The following PCDH15 variants were observed in gnomAD, a reference collection of about 807,000 sequenced individuals.
The protein encoded by PCDH15 is protocadherin-15.
Under a neutral mutation model 178.5 loss-of-function variants are expected in PCDH15, and 129 were observed. That is an observed-to-expected ratio of 0.72 (90% CI 0.63 to 0.84). PCDH15 has a LOEUF of 0.84. Ranked by LOEUF, PCDH15 falls within the 40% of genes least tolerant of loss-of-function variation. PCDH15 has a pLI of 0.00. For synonymous variants in PCDH15, 800 were observed against 732.0 expected (o/e 1.09, Z -1.50); for missense variants, 2,230 against 2,099.9 (o/e 1.06, Z -1.21).
At chr10:54,898,605 C>G (rs68127931) in intron 2 of PCDH15, among the ~76,000 whole-genome samples, 1 of 151,858 alleles carries the variant, frequency 6.6e-6, no homozygotes, top group Non-Finnish European at 1.5e-5. Context: ...TAAGTACTTA[C>G]TGGAATACTG....
At chr10:55,130,679 ACGTGTG>A (rs1404475217) in intron 2 of PCDH15, among the ~76,000 whole-genome samples, 1 of 87,338 alleles carries the variant, frequency 1.1e-5, no homozygotes, top group African/African-American at 4.5e-5. Context: ...ACACACATAC[ACGTGTG>A]TGTGTGTGTG....
chr10:54,917,508 C>T (rs938410449), intron 2 of PCDH15, among the ~76,000 whole-genome samples: 4 of 152,124 alleles, frequency 2.6e-5, no homozygotes, highest in African/African-American at 9.7e-5. Context: ...CAACATTGAA[C>T]TCATTTATTG....
intron 2 of PCDH15, among the ~76,000 whole-genome samples, chr10:55,482,272 T>C (rs1840198307): frequency 6.6e-6 from 1 of 151,894 alleles, no homozygotes; most frequent in South Asian, 2.1e-4. Flanking sequence ...GTCTTGGTTC[T>C]TTATCCAGAT....
chr10:53,859,430 T>C (rs2078962138), intron 27 of PCDH15, among the ~76,000 whole-genome samples: 1 of 152,158 alleles, frequency 6.6e-6, no homozygotes, highest in Non-Finnish European at 1.5e-5. Context: ...TGGAGAATTG[T>C]TAGGACTGTC....
chr10:55,159,369 CTATATA>C (rs1174815209), intron 2 of PCDH15, among the ~76,000 whole-genome samples: 1,818 of 20,890 alleles, frequency 0.087, 34 homozygotes, highest in African/African-American at 0.14. Flanking sequence ...ATCTATCTAT[CTATATA>C]TATATATATA....
At chr10:55,493,166 G>GA (rs751594421) in intron 2 of PCDH15, among the ~76,000 whole-genome samples, 3 of 151,102 alleles carry the variant, frequency 2.0e-5, no homozygotes, top group African/African-American at 4.9e-5. Flanking sequence ...CCAAATTTGG[G>GA]AAAAAATCTT....
chr10:54,693,240 T>C (rs989167603), intron 1 of PCDH15, among the ~76,000 whole-genome samples: 3 of 152,092 alleles, frequency 2.0e-5, no homozygotes, highest in African/African-American at 7.2e-5. Context: ...ATTATCACTT[T>C]GACAACTGAC....
At chr10:55,196,819 T>A (rs2132153369) in intron 1 of PCDH15, among the ~76,000 whole-genome samples, 1 of 152,148 alleles carries the variant, frequency 6.6e-6, no homozygotes, top group East Asian at 1.9e-4. Flanking sequence ...GATGAATTAT[T>A]TAAATTATGA....
At chr10:55,122,494 A>G (rs1396952553) in intron 2 of PCDH15, among the ~76,000 whole-genome samples, 1 of 152,066 alleles carries the variant, frequency 6.6e-6, no homozygotes, top group Non-Finnish European at 1.5e-5. Context: ...AATATATATA[A>G]AAGCATAGAA....
intron 7 of PCDH15, among the ~76,000 whole-genome samples, chr10:54,327,410 C>T (rs1938379982): frequency 6.7e-6 from 1 of 150,040 alleles, no homozygotes; most frequent in Non-Finnish European, 1.5e-5. Flanking sequence ...CACATACAGA[C>T]ACACACATAA....
intron 1 of PCDH15, among the ~76,000 whole-genome samples, chr10:55,287,854 T>C (rs1842909816): frequency 1.3e-5 from 2 of 151,924 alleles, no homozygotes; most frequent in Admixed American, 1.3e-4. Flanking sequence ...TCCATTCCAC[T>C]ATTCTCATAT....
chr10:55,370,116 G>A (rs1363153924), intron 2 of PCDH15, among the ~76,000 whole-genome samples: 2 of 152,022 alleles, frequency 1.3e-5, no homozygotes, highest in East Asian at 3.9e-4. Context: ...CAAAAATCTA[G>A]ACTATTCCTT....
intron 1 of PCDH15, among the ~76,000 whole-genome samples, chr10:54,770,829 C>G (rs534337251): frequency 2.6e-5 from 4 of 152,140 alleles, no homozygotes; most frequent in African/African-American, 9.6e-5. Flanking sequence ...ACTAGACCCC[C>G]AGAGCTGCCC....
At chr10:53,945,844 TA>T (rs1564832082) in intron 23 of PCDH15, among the ~76,000 whole-genome samples, 5 of 15,626 alleles carry the variant, frequency 3.2e-4, no homozygotes, top group African/African-American at 1.4e-3. Flanking sequence ...ATTGTATATA[TA>T]TATATATATA....
intron 1 of PCDH15, among the ~76,000 whole-genome samples, chr10:55,193,332 A>C (rs1839996036): frequency 6.6e-6 from 1 of 151,992 alleles, no homozygotes; most frequent in Non-Finnish European, 1.5e-5. Context: ...TTATATTTAG[A>C]TTTCAAGCCA....
At chr10:55,539,355 TATC>T (rs1166656095) in intron 2 of PCDH15, among the ~76,000 whole-genome samples, 4 of 152,020 alleles carry the variant, frequency 2.6e-5, no homozygotes, top group Non-Finnish European at 5.9e-5. Flanking sequence ...TCATCATCAT[TATC>T]ATTATGATCA....
At chr10:54,957,541 A>C (rs1838521071) in intron 2 of PCDH15, among the ~76,000 whole-genome samples, 2 of 151,622 alleles carry the variant, frequency 1.3e-5, no homozygotes, top group Admixed American at 1.3e-4. Flanking sequence ...AAAATCCCTG[A>C]ATGTAGCATC....
At chr10:54,587,237 GTC>G (rs1193810878) in intron 2 of PCDH15, among the ~76,000 whole-genome samples, 1 of 152,114 alleles carries the variant, frequency 6.6e-6, no homozygotes, top group Non-Finnish European at 1.5e-5. Context: ...CAGTTATGTT[GTC>G]TCTGTTTCCC....
chr10:54,684,976 TAC>T (rs1307798487), intron 1 of PCDH15, among the ~76,000 whole-genome samples: 1 of 151,890 alleles, frequency 6.6e-6, no homozygotes, highest in Non-Finnish European at 1.5e-5. Context: ...GGTATAGCCA[TAC>T]AACATAGTTT....
Sources: allele counts gnomAD v4.1 joint callset (sites outside exome capture counted in the v4.1 genomes callset), GRCh38; gene constraint gnomAD v4.1.1; transcripts MANE v1.5; gene names NCBI Gene and HGNC (gene_info 2026-07-23, HGNC 2026-07-21).